NCKAP5L: variants seen among roughly 807,000 people sequenced by gnomAD.
NCKAP5L encodes NCK associated protein 5 like, also known as nck-associated protein 5-like.
NCKAP5L carries 54 observed loss-of-function variants against 103.2 expected under a neutral mutation model. The ratio of observed to expected loss-of-function variants is 0.52; its 90% CI spans 0.42 to 0.66. NCKAP5L has a LOEUF of 0.66. Ranked by LOEUF, NCKAP5L falls within the 30% of genes least tolerant of loss-of-function variation. NCKAP5L has a pLI of 0.00. For missense variants in NCKAP5L, 1,733 were observed against 1,750.6 expected, an observed-to-expected ratio of 0.99 and a Z score of 0.18; for synonymous variants, 762 against 748.6, an observed-to-expected ratio of 1.02 and a Z score of -0.29.
chr12:49,793,098 C>T, intron 10 of NCKAP5L, 112 bp from the exon 11 acceptor site: 1 of 943,588 alleles, frequency 1.1e-6, no homozygotes. Context: ...CCCCTCCTGG[C>T]CCAACAGGCT....
At position 49,795,036 on chromosome 12, in the gene NCKAP5L, CCTT is replaced by C. The variant is rs1565585505; in HGVS notation, c.2821_2823del (p.Lys941del). The C allele has an allele frequency of 6.2e-7, 1 of 1,609,792 alleles. No homozygotes were observed. The highest frequency in any genetic ancestry group is 8.5e-7 in the Non-Finnish European group (1 of 1,178,210). On this transcript the variant is annotated inframe_deletion, in exon 8 of 13. Coordinates refer to ENST00000335999, the MANE Select transcript of NCKAP5L (RefSeq NM_001037806.4). ...AGCGGGGAGCCCCCGCCAGCCCCCTCCTTGTTCTTGGTGGCCTCTGTGCGGCGG... is the reference window on the plus strand; with the variant it reads ...AGCGGGGAGCCCCCGCCAGCCCCCTCGTTCTTGGTGGCCTCTGTGCGGCGG...
chr12:49,827,157 G>T (rs1012674180), intron 1 of NCKAP5L, among the ~76,000 whole-genome samples: 1 of 152,070 alleles, frequency 6.6e-6, no homozygotes, highest in African/African-American at 2.4e-5. Context: ...CATTTTCCCC[G>T]AAAGTACTGA....
At chr12:49,817,532 C>G (rs189744876) in intron 1 of NCKAP5L, among the ~76,000 whole-genome samples, 1,563 of 152,056 alleles carry the variant, frequency 0.01, 11 homozygotes, top group South Asian at 0.027. Context: ...AGCAAAAGAA[C>G]AAACTTGGAG....
At position 49,792,193 on chromosome 12, in the gene NCKAP5L, A is replaced by T. The variant is rs1945946890; in HGVS notation, c.3793-142T>A. The T allele has an allele frequency of 1.9e-6, 2 of 1,042,542 alleles. No homozygotes were observed. Among genetic ancestry groups the T allele is most frequent in the Admixed American group, 4.2e-5 (2 of 47,772 alleles). 64.6% of individuals were successfully genotyped at this position (1,042,542 alleles called of 1,614,324 possible). A position where few individuals can be genotyped will look rare whatever the true frequency, so the allele number is the denominator to read the frequency against. ...CCCAAGGTGGGGTATACTTCAGAGG[A>T]AACAGGCTGGAGGTACAACTGAGAA... On this transcript the variant is annotated intron_variant, in intron 12 of 12. Transcript: ENST00000335999. The surrounding 1 kb of genome is among the most constrained non-coding windows in gnomAD (Gnocchi z 4.5).
chr12:49,811,719 A>G (rs73114127), intron 1 of NCKAP5L, among the ~76,000 whole-genome samples: 42,643 of 151,948 alleles, frequency 0.28, 6,394 homozygotes, highest in South Asian at 0.39. Flanking sequence ...GCAGCGAGCT[A>G]TGACCCGGCT....
Position 49,797,876 on chromosome 12 carries a change from A to G in NCKAP5L, c.465+474T>C, listed in dbSNP as rs1231690923. 6.6e-6 allele frequency among the ~76,000 whole-genome samples: 1 copy of G among 152,178 alleles called. No homozygotes were observed. The highest frequency in any genetic ancestry group is 1.5e-5 in the Non-Finnish European group (1 of 68,036). ...AGCTGACCCCGCTGACCTCATCCCC[A>G]GCAGAAAGGGGTTGGGGGTGACGCC... On this transcript the variant is annotated intron_variant, in intron 7 of 12. Transcript: ENST00000335999. This position sits in a 1 kb window ranked among gnomAD's most constrained non-coding sequence, Gnocchi z 4.5.
Position 49,795,100 on chromosome 12 carries a change from C to A in NCKAP5L, c.2760G>T (p.Trp920Cys), listed in dbSNP as rs764644038. ...KHRNTSSIASWFGLKKSKLPA... is the reference protein window; with the variant it reads ...KHRNTSSIASCFGLKKSKLPA... ...GCAGCTTGCTCTTCTTAAGGCCGAA[C>A]CAGCTGGCGATGCTGCTGGTGTTGC... Residue 920 changes from tryptophan (W) to cysteine (C), a missense_variant, in exon 8 of 13, where the codon TGG becomes TGT. Physicochemically the swap from Trp to Cys is radical, Grantham distance 215. Coordinates refer to ENST00000335999, the MANE Select transcript of NCKAP5L (RefSeq NM_001037806.4). The A allele has an allele frequency of 6.2e-7, 1 of 1,613,278 alleles. No homozygotes were observed. Among genetic ancestry groups the A allele is most frequent in the Non-Finnish European group, 8.5e-7 (1 of 1,179,748 alleles).
At position 49,798,450 on chromosome 12, in the gene NCKAP5L, G is replaced by A. The variant is rs769423362; in HGVS notation, c.365C>T (p.Pro122Leu). ...TGSLPQIPLT[P>L]LQPPSEPPAS... ...TGGTGGCTCTGATGGTGGCTGGAGT[G>A]GAGTGAGTGGGATCTGCAGAGGGAG... Residue 122 changes from proline (P) to leucine (L), a missense_variant, in exon 7 of 13, where the codon CCA (proline) becomes CTA (leucine). By Grantham distance (98) the Pro-to-Leu change is moderately conservative (BLOSUM62 -3). Transcript: ENST00000335999. 4 of 1,576,722 alleles carry A rather than the reference G, an allele frequency of 2.5e-6. No individual in the cohort carries two copies. The highest frequency in any genetic ancestry group is 3.4e-6 in the Non-Finnish European group (4 of 1,161,070).
At chr12:49,793,476 TCCACACC>T in intron 9 of NCKAP5L, 43 bp from the exon 10 acceptor site, 1 of 1,574,498 alleles carries the variant, frequency 6.4e-7, no homozygotes, top group East Asian at 2.2e-5. Context: ...TCCTCCCCCC[TCCACACC>T]CCTCCCCATG....
At position 49,791,791 on chromosome 12, in the gene NCKAP5L, C is replaced by T. The variant is rs773229797; in HGVS notation, c.*48G>A. ...GGGCTGGGCATGAAGAGAGCCGGTC[C>T]AGTCTGTGGTCCCCAGCTCCAGCGG... On this transcript the variant is annotated 3_prime_UTR_variant, in exon 13 of 13. Coordinates refer to ENST00000335999, the MANE Select transcript of NCKAP5L (RefSeq NM_001037806.4). 1 of 1,463,734 alleles carries T rather than the reference C, an allele frequency of 6.8e-7. No individual in the cohort carries two copies. Among genetic ancestry groups the T allele is most frequent in the Non-Finnish European group, 9.2e-7 (1 of 1,090,706 alleles). The allele number at this position is 1,463,734 out of a possible 1,614,324, so 90.7% of individuals were successfully genotyped here.
In NCKAP5L at chr12:49,796,325, G is replaced by C. The variant is rs1401849375; in HGVS notation, c.1535C>G (p.Ser512Cys). The C allele has an allele frequency of 1.3e-6, 2 of 1,544,570 alleles. No individual in the cohort carries two copies. The highest frequency in any genetic ancestry group is 1.7e-6 in the Non-Finnish European group (2 of 1,145,674). The change falls in exon 8 of 13, where the codon TCC (serine) becomes TGC (cysteine). Residue 512 changes from serine (S) to cysteine (C), a missense_variant. By Grantham distance (112) the Ser-to-Cys change is moderately radical. Transcript: ENST00000335999. ...ARRGLGGGELSPEGAQGLPTS... is the reference protein window; with the variant it reads ...ARRGLGGGELCPEGAQGLPTS... ...GGGCAGGCCTTGCGCCCCCTCTGGG[G>C]ACAGCTCTCCTCCACCCAGACCCCT...
At chr12:49,817,545 ATT>A (rs766124275) in intron 1 of NCKAP5L, among the ~76,000 whole-genome samples, 1,562 of 152,316 alleles carry the variant, frequency 0.01, 11 homozygotes, top group South Asian at 0.027. Flanking sequence ...ACTTGGAGGC[ATT>A]ACACTAACTG....
At position 49,796,146 on chromosome 12, in the gene NCKAP5L, G is replaced by C; in HGVS notation, c.1714C>G (p.Pro572Ala). 6.2e-7 allele frequency: 1 copy of C among 1,611,556 alleles called. No homozygotes were observed. The highest frequency in any genetic ancestry group is 1.3e-5 in the African/African-American group (1 of 75,012). The change falls in exon 8 of 13, where the codon CCA becomes GCA. Residue 572 changes from proline to alanine, a missense_variant. Transcript: ENST00000335999. ...LSRSTFRGPS[P>A]EPPPSPLQVP... ...TGCAGTGGGGATGGAGGTGGCTCTG[G>C]GGAAGGCCCCCTAAAGGTGCTCCGA...
Position 49,792,779 on chromosome 12 carries a change from A to C in NCKAP5L, c.3548T>G (p.Ile1183Arg). Residue 1183 changes from isoleucine to arginine, a missense_variant, in exon 11 of 13, where the codon ATA (isoleucine) becomes AGA (arginine). Transcript: ENST00000335999. The surrounding 1 kb of genome is among the most constrained non-coding windows in gnomAD (Gnocchi z 4.5). ...AHTLEREVPGIEELLVSGRHP... is the reference protein window; with the variant it reads ...AHTLEREVPGREELLVSGRHP... ...CCGCCCACTCACCAGCAGCTCCTCT[A>C]TGCCTGGCACCTCCCGCTCCAGTGT... 1 of 1,603,934 alleles carries C rather than the reference A, an allele frequency of 6.2e-7. No homozygotes were observed. Among genetic ancestry groups the C allele is most frequent in the Non-Finnish European group, 8.5e-7 (1 of 1,176,400 alleles).
chr12:49,822,548 AT>A (rs776773360), intron 1 of NCKAP5L, among the ~76,000 whole-genome samples: 2,909 of 139,362 alleles, frequency 0.021, 45 homozygotes, highest in African/African-American at 0.058. Context: ...TGGGAGTGAG[AT>A]TTTTTTTTTT....
At chr12:49,798,523 C>T (rs1028592517) in intron 6 of NCKAP5L, 60 bp from the exon 7 acceptor site, 99 of 1,396,070 alleles carry the variant, frequency 7.1e-5, no homozygotes, top group Middle Eastern at 2.2e-4. Context: ...CCTACTCCCT[C>T]GCAAAGCCAG....
At chr12:49,799,852 C>A (rs1230609215) in intron 6 of NCKAP5L, among the ~76,000 whole-genome samples, 1 of 152,186 alleles carries the variant, frequency 6.6e-6, no homozygotes. Flanking sequence ...TTTGCTCATG[C>A]TGTTCTTTCC....
chr12:49,824,311 G>A (rs1002248358), intron 1 of NCKAP5L, among the ~76,000 whole-genome samples: 4 of 152,196 alleles, frequency 2.6e-5, no homozygotes, highest in South Asian at 2.1e-4. Context: ...ACAGCCCCAC[G>A]CCACAGGCAC....
Position 49,792,340 on chromosome 12 carries a change from T to G in NCKAP5L, c.3792+106A>C, listed in dbSNP as rs573083223. 3.2e-6 allele frequency: 5 copies of G among 1,549,898 alleles called. No homozygotes were observed. The highest frequency in any genetic ancestry group is 1.2e-5 in the South Asian group (1 of 83,730). On this transcript the variant is annotated intron_variant, in intron 12 of 12. Coordinates refer to ENST00000335999, the MANE Select transcript of NCKAP5L (RefSeq NM_001037806.4). The surrounding 1 kb of genome is among the most constrained non-coding windows in gnomAD (Gnocchi z 4.5). ...GTCCTCCTCCCAGAGGGTGCAGCAC[T>G]GAGACTGTGCGACACACAGGCCGTA...
Sources: gnomAD v4.1 joint callset for allele counts (sites outside exome capture counted in the v4.1 genomes callset) on GRCh38, gnomAD v4.1.1 for gene constraint, Gnocchi (gnomAD v3.1) non-coding constraint, MANE v1.5 for transcripts, NCBI Gene and HGNC (gene_info 2026-07-23, HGNC 2026-07-21) for gene names.